The following SLC26A7 variants were observed in gnomAD, a reference collection of about 807,000 sequenced individuals.
SLC26A7 encodes the protein solute carrier family 26 member 7.
Under a neutral mutation model 82.5 loss-of-function variants are expected in SLC26A7, and 59 were observed. The ratio of observed to expected loss-of-function variants is 0.72; its 90% CI spans 0.58 to 0.89. The LOEUF is 0.89. SLC26A7 is among the 40% of genes least tolerant of loss of function. SLC26A7 has a pLI of 0.00. For synonymous variants in SLC26A7, 271 were observed against 274.3 expected (o/e 0.99, Z 0.12); for missense variants, 820 against 793.0 (o/e 1.03, Z -0.41).
chr8:91,299,848 A>G (rs1462864236), intron 4 of SLC26A7, among the ~76,000 whole-genome samples: 2 of 152,252 alleles, frequency 1.3e-5, no homozygotes, highest in African/African-American at 2.4e-5. Context: ...AACTAAAATC[A>G]GAAATTTATT....
At chr8:91,228,477 G>T (rs1810267319) in intron 2 of SLC26A7, among the ~76,000 whole-genome samples, 1 of 152,232 alleles carries the variant, frequency 6.6e-6, no homozygotes, top group Admixed American at 6.5e-5. Flanking sequence ...GCAGACTAAA[G>T]GTGAGCAAGC....
At chr8:91,255,619 C>G (rs1260084496) in intron 2 of SLC26A7, among the ~76,000 whole-genome samples, 2 of 152,060 alleles carry the variant, frequency 1.3e-5, no homozygotes, top group Admixed American at 6.6e-5. Context: ...TATAGAAGAG[C>G]TGTGACACAT....
At position 91,249,567 on chromosome 8, in the gene SLC26A7, G is replaced by T; in HGVS notation, c.-85G>T. ...TGACATTGTAAACCACAGACGAATT[G>T]GAGCTTGGCATTGAAAGGAGGTGTT... On this transcript the variant is annotated 5_prime_UTR_variant, in exon 2 of 19. Transcript: ENST00000276609. 1.8e-6 allele frequency: 2 copies of T among 1,102,750 alleles called. No individual in the cohort carries two copies. Among genetic ancestry groups the T allele is most frequent in the Non-Finnish European group, 1.2e-6 (1 of 815,302 alleles). 68.3% of individuals were successfully genotyped at this position (1,102,750 alleles called of 1,614,324 possible).
rs1379714135 is a variant in SLC26A7, at chr8:91,340,547, A to G, written c.1022A>G (p.Asn341Ser). ...AKKFKYSIDDNQEFLAHGLSN... is the reference protein window; with the variant it reads ...AKKFKYSIDDSQEFLAHGLSN... Reference sequence around the variant, plus strand: ...AAATTCAAATATTCAATTGATGACAACCAGGTGGAGTGTGCCCCCAGTCCC... The same window carrying G: ...AAATTCAAATATTCAATTGATGACAGCCAGGTGGAGTGTGCCCCCAGTCCC... The change falls in exon 8 of 19, where the codon AAC becomes AGC. Residue 341 changes from asparagine (N) to serine (S), a missense_variant. Transcript: ENST00000276609. 3.7e-6 allele frequency: 6 copies of G among 1,613,636 alleles called. No homozygotes were observed. Among genetic ancestry groups the G allele is most frequent in the Non-Finnish European group, 4.2e-6 (5 of 1,179,866 alleles).
rs181491252 is a variant in SLC26A7, at chr8:91,305,741, C to T, written c.477+10038C>T. 3.3e-4 allele frequency among the ~76,000 whole-genome samples: 50 copies of T among 151,270 alleles called. No homozygotes were observed. The East Asian group carries it at 7.0e-3, about 21-fold the overall frequency. On this transcript the variant is annotated intron_variant, in intron 4 of 18. Coordinates refer to ENST00000276609, the MANE Select transcript of SLC26A7 (RefSeq NM_052832.4). ...TGAATTTCTGATATATTACACAAAA[C>T]TTAGATAGACATTTCCTGAACATAT...
At chr8:91,309,539 A>G (rs1369732980) in intron 4 of SLC26A7, among the ~76,000 whole-genome samples, 1 of 152,112 alleles carries the variant, frequency 6.6e-6, no homozygotes, top group East Asian at 1.9e-4. Flanking sequence ...CAATTCCAGT[A>G]TATTTGCCAG....
chr8:91,391,089 C>A (rs2130907310), intron 16 of SLC26A7, among the ~76,000 whole-genome samples: 1 of 152,266 alleles, frequency 6.6e-6, no homozygotes, highest in Non-Finnish European at 1.5e-5. Flanking sequence ...TGTGGTGTAG[C>A]ATACCTTGTG....
rs111247048 is a variant in SLC26A7, at chr8:91,306,857, T to C, written c.477+11154T>C. Among the ~76,000 whole-genome samples the C allele has an allele frequency of 1.5e-3, 221 of 152,090 alleles. 2 individuals are homozygous for C. The highest frequency in any genetic ancestry group is 5.3e-3 in the African/African-American group (218 of 41,494). On this transcript the variant is annotated intron_variant, in intron 4 of 18. Coordinates refer to ENST00000276609, the MANE Select transcript of SLC26A7 (RefSeq NM_052832.4). ...CACAAGCAGCTAAGACTACAGGGAC[T>C]TGCCACGCTAAAAATGGGAGAAAAT...
At chr8:91,286,490 A>T (rs1020220250) in intron 2 of SLC26A7, among the ~76,000 whole-genome samples, 1 of 152,164 alleles carries the variant, frequency 6.6e-6, no homozygotes, top group Non-Finnish European at 1.5e-5. Context: ...CCATCCCCTC[A>T]GCCATCCTCT....
chr8:91,263,985 A>C (rs1284384584), intron 2 of SLC26A7, among the ~76,000 whole-genome samples: 2 of 152,152 alleles, frequency 1.3e-5, no homozygotes, highest in Middle Eastern at 3.4e-3. Context: ...TAACAGTAGA[A>C]GACTGAAGTT....
At chr8:91,290,237 A>G (rs1811827451) in intron 3 of SLC26A7, among the ~76,000 whole-genome samples, 1 of 152,122 alleles carries the variant, frequency 6.6e-6, no homozygotes, top group Admixed American at 6.5e-5. Flanking sequence ...ATATTTCTTG[A>G]CCATTTCTTC....
At chr8:91,351,446 G>A (rs1813712345) in intron 9 of SLC26A7, among the ~76,000 whole-genome samples, 1 of 152,020 alleles carries the variant, frequency 6.6e-6, no homozygotes, top group Admixed American at 6.6e-5. Flanking sequence ...AATAAGGAGG[G>A]GAGTCAGGCT....
At chr8:91,222,967 CT>C (rs550135789) in intron 2 of SLC26A7, among the ~76,000 whole-genome samples, 1 of 151,204 alleles carries the variant, frequency 6.6e-6, no homozygotes, top group Admixed American at 6.6e-5. Flanking sequence ...TGGTCCTGGA[CT>C]TTTTTTTTGC....
chr8:91,248,176 A>G (rs954662867), upstream of SLC26A7, among the ~76,000 whole-genome samples: 2 of 152,166 alleles, frequency 1.3e-5, no homozygotes, highest in African/African-American at 4.8e-5. Flanking sequence ...AATATAATGT[A>G]AAAACAGTTG....
rs1277370910 is a variant in SLC26A7, at chr8:91,326,795, C to T, written c.643-7500C>T. Among the ~76,000 whole-genome samples, 15 of 152,184 alleles carry T rather than the reference C, an allele frequency of 9.9e-5. No individual in the cohort carries two copies. The East Asian group carries it at 2.9e-3, about 29-fold the overall frequency. On this transcript the variant is annotated intron_variant, in intron 5 of 18. Transcript: ENST00000276609. ...GGAAGACACTTCAAAATCAAGGTCT[C>T]TTCTGGTCCATGCTCCCTCTGCAGG...
intron 5 of SLC26A7, among the ~76,000 whole-genome samples, chr8:91,321,677 A>G (rs1026349116): frequency 6.6e-6 from 1 of 152,094 alleles, no homozygotes; most frequent in African/African-American, 2.4e-5. Context: ...TTTACTTTTT[A>G]AATTTGTTCT....
chr8:91,340,077 G>A (rs1024384009), intron 7 of SLC26A7, among the ~76,000 whole-genome samples: 3 of 152,140 alleles, frequency 2.0e-5, no homozygotes, highest in Non-Finnish European at 2.9e-5. Flanking sequence ...GGAAAGGTTC[G>A]AATGAAAGAA....
chr8:91,284,674 G>A (rs1363907939), intron 2 of SLC26A7, among the ~76,000 whole-genome samples: 1 of 152,124 alleles, frequency 6.6e-6, no homozygotes, highest in Admixed American at 6.5e-5. Context: ...TCTTACATCT[G>A]AGTATTAAGC....
chr8:91,392,262 G>A (rs191733350), intron 16 of SLC26A7, among the ~76,000 whole-genome samples: 2 of 152,068 alleles, frequency 1.3e-5, no homozygotes, highest in South Asian at 2.1e-4. Context: ...CAGTAACAGC[G>A]TGATCTATGT....
Sources: allele counts gnomAD v4.1 joint callset (sites outside exome capture counted in the v4.1 genomes callset), GRCh38; gene constraint gnomAD v4.1.1; transcripts MANE v1.5; gene names NCBI Gene and HGNC (gene_info 2026-07-23, HGNC 2026-07-21).